CNTNAP2: variants seen among roughly 807,000 people sequenced by gnomAD.
CNTNAP2 encodes the protein contactin-associated protein-like 2.
Under a neutral mutation model 155.2 loss-of-function variants are expected in CNTNAP2, and 98 were observed. That is an observed-to-expected ratio of 0.63 (90% CI 0.54 to 0.75). The LOEUF is 0.75. Ranked by LOEUF, CNTNAP2 falls within the 30% of genes least tolerant of loss-of-function variation. The probability of loss-of-function intolerance (pLI) is 0.00; values close to 1 mark genes in which losing one functional copy is unlikely to be tolerated. For missense variants in CNTNAP2, 1,727 were observed against 1,688.1 expected (o/e 1.02, Z -0.40); for synonymous variants, 651 against 631.2 (o/e 1.03, Z -0.47).
intron 1 of CNTNAP2, among the ~76,000 whole-genome samples, chr7:146,485,286 C>G (rs900394621): frequency 1.3e-5 from 2 of 152,078 alleles, no homozygotes; most frequent in Admixed American, 6.6e-5. Context: ...GGTGATGCCA[C>G]GGCAGACAGG....
intron 9 of CNTNAP2, among the ~76,000 whole-genome samples, chr7:147,337,068 A>C (rs1166247647): frequency 6.6e-6 from 1 of 152,170 alleles, no homozygotes; most frequent in Non-Finnish European, 1.5e-5. Flanking sequence ...TAAAACTTTT[A>C]TTTTTATAAA....
intron 1 of CNTNAP2, among the ~76,000 whole-genome samples, chr7:146,324,682 A>G (rs1034449116): frequency 1.3e-5 from 2 of 152,012 alleles, no homozygotes; most frequent in South Asian, 4.2e-4. Flanking sequence ...CCCCTCTTTT[A>G]ATGATATCAT....
chr7:148,305,191 C>G (rs942598564), intron 21 of CNTNAP2, among the ~76,000 whole-genome samples: 1 of 140,662 alleles, frequency 7.1e-6, no homozygotes, highest in African/African-American at 2.7e-5. Flanking sequence ...ACACTGCACT[C>G]CAGCCTGGGT....
At chr7:146,599,783 T>TAGATAGAC (rs1554454027) in intron 1 of CNTNAP2, among the ~76,000 whole-genome samples, 1 of 151,770 alleles carries the variant, frequency 6.6e-6, no homozygotes, top group African/African-American at 2.4e-5. Flanking sequence ...GATAGATAGA[T>TAGATAGAC]CTCTAGTTTT....
At chr7:147,283,832 A>AT (rs1282444625) in intron 8 of CNTNAP2, among the ~76,000 whole-genome samples, 1 of 151,856 alleles carries the variant, frequency 6.6e-6, no homozygotes, top group African/African-American at 2.4e-5. Flanking sequence ...TCCCTTTCAG[A>AT]TTTTACCTGG....
chr7:146,689,359 T>C (rs921914687), intron 1 of CNTNAP2, among the ~76,000 whole-genome samples: 1 of 152,098 alleles, frequency 6.6e-6, no homozygotes, highest in Admixed American at 6.6e-5. Flanking sequence ...ATTATAAATA[T>C]GTGTTTATAT....
intron 1 of CNTNAP2, among the ~76,000 whole-genome samples, chr7:146,577,227 A>G (rs933738598): frequency 2.6e-4 from 39 of 152,132 alleles, no homozygotes; most frequent in Admixed American, 1.2e-3. Flanking sequence ...ATTGTTCTGC[A>G]CAGGGGTAAA....
intron 11 of CNTNAP2, among the ~76,000 whole-genome samples, chr7:147,492,569 G>C (rs1198652833): frequency 6.6e-6 from 1 of 152,092 alleles, no homozygotes; most frequent in Non-Finnish European, 1.5e-5. Flanking sequence ...TATGGAGAGG[G>C]GAAAACACTC....
intron 1 of CNTNAP2, among the ~76,000 whole-genome samples, chr7:146,524,773 T>C (rs879453894): frequency 2.2e-4 from 33 of 152,128 alleles, no homozygotes; most frequent in Non-Finnish European, 1.5e-5. Context: ...TATGTAATTA[T>C]GACACCTTTT....
At chr7:147,323,541 A>AG (rs1270323049) in intron 9 of CNTNAP2, among the ~76,000 whole-genome samples, 2 of 150,276 alleles carry the variant, frequency 1.3e-5, no homozygotes, top group Non-Finnish European at 3.0e-5. Flanking sequence ...GCTGAAAAAA[A>AG]ATGTATATTC....
At chr7:147,225,732 TAGGAAGGAAAGA>T (rs1255627722) in intron 8 of CNTNAP2, among the ~76,000 whole-genome samples, 9 of 136,780 alleles carry the variant, frequency 6.6e-5, no homozygotes, top group Non-Finnish European at 9.2e-5. Flanking sequence ...TACTTTAAGT[TAGGAAGGAAAGA>T]AGGAAGGAAG....
intron 14 of CNTNAP2, among the ~76,000 whole-genome samples, chr7:147,925,332 A>G: frequency 7.2e-6 from 1 of 138,962 alleles, no homozygotes; most frequent in African/African-American, 2.8e-5. Context: ...ACACACACAC[A>G]GCTTTCCCCC....
intron 14 of CNTNAP2, among the ~76,000 whole-genome samples, chr7:147,973,101 C>T (rs896481442): frequency 6.0e-5 from 9 of 148,858 alleles, no homozygotes; most frequent in African/African-American, 2.2e-4. Flanking sequence ...CTACAGTGAG[C>T]TATGATTGCA....
At chr7:146,904,693 G>A (rs996099726) in intron 3 of CNTNAP2, among the ~76,000 whole-genome samples, 3 of 152,030 alleles carry the variant, frequency 2.0e-5, no homozygotes, top group East Asian at 1.9e-4. Context: ...GGATGGTCTC[G>A]ATCTCCTGAC....
chr7:147,649,852 C>A (rs1401010122), intron 13 of CNTNAP2, among the ~76,000 whole-genome samples: 1 of 151,018 alleles, frequency 6.6e-6, no homozygotes, highest in Non-Finnish European at 1.5e-5. Context: ...AAAAAGTCTT[C>A]TAAAAAGATT....
At chr7:146,415,079 G>T (rs1406677750) in intron 1 of CNTNAP2, among the ~76,000 whole-genome samples, 1 of 152,164 alleles carries the variant, frequency 6.6e-6, no homozygotes, top group Admixed American at 6.5e-5. Context: ...GCCTAGTGAA[G>T]CAAGTTAGCT....
At chr7:147,689,594 ATTAT>A (rs1796060396) in intron 13 of CNTNAP2, among the ~76,000 whole-genome samples, 1 of 152,114 alleles carries the variant, frequency 6.6e-6, no homozygotes, top group African/African-American at 2.4e-5. Context: ...TTATTGCGTT[ATTAT>A]ATACTGATCA....
At chr7:146,361,327 G>A (rs1469241369) in intron 1 of CNTNAP2, among the ~76,000 whole-genome samples, 1 of 152,132 alleles carries the variant, frequency 6.6e-6, no homozygotes, top group African/African-American at 2.4e-5. Flanking sequence ...GCTGACTGCT[G>A]GGCTTGAGTA....
intron 3 of CNTNAP2, among the ~76,000 whole-genome samples, chr7:147,040,534 C>T (rs1323185507): frequency 6.8e-6 from 1 of 146,420 alleles, no homozygotes; most frequent in Non-Finnish European, 1.5e-5. Flanking sequence ...GATTTCAACT[C>T]CCTGAAACCC....
Sources: allele counts gnomAD v4.1 joint callset (sites outside exome capture counted in the v4.1 genomes callset), GRCh38; gene constraint gnomAD v4.1.1; transcripts MANE v1.5; gene names NCBI Gene and HGNC (gene_info 2026-07-23, HGNC 2026-07-21).